Variants in EIF2A observed in about 807,000 individuals in gnomAD.
The protein encoded by EIF2A is eukaryotic translation initiation factor 2A.
EIF2A carries 62 observed loss-of-function variants against 75.2 expected under a neutral mutation model. That is an observed-to-expected ratio of 0.82 (90% CI 0.67 to 1.02). The LOEUF (loss-of-function observed/expected upper bound fraction) is 1.02, where lower values mean the gene tolerates loss of function less well. Ranked by LOEUF, EIF2A falls within the 50% of genes least tolerant of loss-of-function variation. The probability of loss-of-function intolerance (pLI) is 0.00; values close to 1 mark genes in which losing one functional copy is unlikely to be tolerated. For synonymous variants in EIF2A, 207 were observed against 239.0 expected (o/e 0.87, Z 1.23); for missense variants, 611 against 677.7 (o/e 0.90, Z 1.09).
At position 150,562,678 on chromosome 3, in the gene EIF2A, G is replaced by A. The variant is rs1448258577; in HGVS notation, c.292+18G>A. On this transcript the variant is annotated intron_variant, in intron 4 of 13. Coordinates refer to ENST00000460851, the MANE Select transcript of EIF2A (RefSeq NM_032025.5). ...TTACACTAGTAAGTATTTTCTCAGT[G>A]TAAAAATACTCTGACACGATCAATT... The A allele has an allele frequency of 3.2e-6, 5 of 1,577,008 alleles. No homozygotes were observed. Among genetic ancestry groups the A allele is most frequent in the Non-Finnish European group, 4.3e-6 (5 of 1,150,246 alleles).
intron 11 of EIF2A, among the ~76,000 whole-genome samples, chr3:150,579,695 C>T (rs1395876871): frequency 7.6e-6 from 1 of 131,744 alleles, no homozygotes; most frequent in Non-Finnish European, 1.7e-5. Flanking sequence ...AGCCTAGACT[C>T]TGTCTCCAAA....
Position 150,573,556 on chromosome 3 carries a change from T to C in EIF2A, c.1383+1027T>C, listed in dbSNP as rs1002636344. On this transcript the variant is annotated intron_variant, in intron 10 of 13. Coordinates refer to ENST00000460851, the MANE Select transcript of EIF2A (RefSeq NM_032025.5). The stretch of plus-strand genomic sequence containing the variant: ...CATGAGCCACTGTACCCGGCCAGGA[T>C]TTTTTTGTTAACATTTAAGATTTCT... Among the ~76,000 whole-genome samples, 9 of 152,236 alleles carry C rather than the reference T, an allele frequency of 5.9e-5. No individual in the cohort carries two copies. In the South Asian group the frequency reaches 6.2e-4, roughly 11 times the overall value.
intron 2 of EIF2A, among the ~76,000 whole-genome samples, chr3:150,554,230 G>A (rs189448822): frequency 2.2e-4 from 34 of 151,346 alleles, no homozygotes; most frequent in Admixed American, 1.3e-3. Context: ...TCCCCCCTCC[G>A]TTTAAACCTA....
intron 2 of EIF2A, among the ~76,000 whole-genome samples, chr3:150,555,424 A>AT (rs1369095647): frequency 6.6e-6 from 1 of 151,004 alleles, no homozygotes; most frequent in Admixed American, 6.6e-5. Context: ...ACCTGGCTAA[A>AT]TTTTTTTATT....
chr3:150,550,640 T>C (rs1723269319), intron 1 of EIF2A, among the ~76,000 whole-genome samples: 2 of 152,198 alleles, frequency 1.3e-5, no homozygotes, highest in Non-Finnish European at 2.9e-5. Flanking sequence ...TTGCTTGAGC[T>C]GAGGAGTTTA....
intron 9 of EIF2A, among the ~76,000 whole-genome samples, chr3:150,571,262 C>A (rs1452432046): frequency 6.6e-6 from 1 of 151,840 alleles, no homozygotes; most frequent in Non-Finnish European, 1.5e-5. Context: ...GCCTCAGCCT[C>A]CTGAGTAGCT....
intron 12 of EIF2A, among the ~76,000 whole-genome samples, chr3:150,582,872 T>C (rs1725269436): frequency 6.6e-6 from 1 of 152,176 alleles, no homozygotes; most frequent in South Asian, 2.1e-4. Flanking sequence ...AATGCTCTCA[T>C]TGAGATTTCT....
chr3:150,562,218 C>G (rs1375595427), intron 3 of EIF2A, among the ~76,000 whole-genome samples: 2 of 152,020 alleles, frequency 1.3e-5, no homozygotes, highest in South Asian at 2.1e-4. Flanking sequence ...GTCAGGAGAT[C>G]AAGACCATCC....
Position 150,575,676 on chromosome 3 carries a change from A to C in EIF2A, c.1411A>C (p.Lys471Gln), listed in dbSNP as rs375523411. The change falls in exon 11 of 14, where the codon AAA (lysine) becomes CAA (glutamine). Residue 471 changes from lysine (K) to glutamine (Q), a missense_variant. Lys to Gln is a moderately conservative substitution (Grantham distance 53). Coordinates refer to ENST00000460851, the MANE Select transcript of EIF2A (RefSeq NM_032025.5). ...LHEEEPPQNMKPQSGNDKPLS... is the reference protein window; with the variant it reads ...LHEEEPPQNMQPQSGNDKPLS... ...TGAAGAGGAACCACCTCAGAATATG[A>C]AACCACAATCAGGAAACGATAAGCC... 6.2e-7 allele frequency: 1 copy of C among 1,612,312 alleles called. No homozygotes were observed. Among genetic ancestry groups the C allele is most frequent in the African/African-American group, 1.3e-5 (1 of 74,884 alleles).
At chr3:150,553,072 T>G (rs1576587564) in intron 2 of EIF2A, among the ~76,000 whole-genome samples, 1 of 152,128 alleles carries the variant, frequency 6.6e-6, no homozygotes, top group South Asian at 2.1e-4. Flanking sequence ...ATCCCAGCAC[T>G]ATGGGAGGCC....
intron 1 of EIF2A, 59 bp from the exon 2 acceptor site, chr3:150,552,297 G>A (rs938325594): frequency 1.4e-6 from 2 of 1,400,180 alleles, no homozygotes. Flanking sequence ...AAACACATTT[G>A]TGTTAACTGA....
chr3:150,553,901 A>G (rs1362185538), intron 2 of EIF2A, among the ~76,000 whole-genome samples: 1 of 152,190 alleles, frequency 6.6e-6, no homozygotes, highest in African/African-American at 2.4e-5. Flanking sequence ...GTTCTGGCCA[A>G]TGAAAAGGCC....
chr3:150,557,544 G>T, intron 2 of EIF2A: 1 of 236,030 alleles, frequency 4.2e-6, no homozygotes, highest in Non-Finnish European at 8.7e-6. Context: ...GGGACTACAG[G>T]CGCCACCACC....
Position 150,567,995 on chromosome 3 carries a change from A to C in EIF2A, c.643A>C (p.Asn215His). Residue 215 changes from asparagine (N) to histidine (H), a missense_variant, in exon 8 of 14, where the codon AAT (asparagine) becomes CAT (histidine). Coordinates refer to ENST00000460851, the MANE Select transcript of EIF2A (RefSeq NM_032025.5). ...TGCTGGACCTCATGCAGCTTTAGCT[A>C]ATAAAAGTTTCTTTAAGGCAGATAA... ...NFAGPHAALA[N>H]KSFFKADKVT... The C allele has an allele frequency of 6.2e-7, 1 of 1,613,148 alleles. No individual in the cohort carries two copies. The highest frequency in any genetic ancestry group is 8.5e-7 in the Non-Finnish European group (1 of 1,179,656).
At chr3:150,576,403 C>T (rs1479177736) in intron 11 of EIF2A, among the ~76,000 whole-genome samples, 1 of 151,612 alleles carries the variant, frequency 6.6e-6, no homozygotes, top group African/African-American at 2.4e-5. Context: ...CCACTTCAGC[C>T]TGAGTAACAG....
In EIF2A at chr3:150,546,790, T is replaced by C. The variant is rs1225945463; in HGVS notation, c.-13T>C. The stretch of plus-strand genomic sequence containing the variant: ...TGAACTCTCACCCGAGCGGTTTCTC[T>C]TTCCGGGACAACATGGCGCCGTCCA... On this transcript the variant is annotated 5_prime_UTR_variant, in exon 1 of 14. Transcript: ENST00000460851. The C allele has an allele frequency of 1.9e-6, 3 of 1,612,458 alleles. No homozygotes were observed. Among genetic ancestry groups the C allele is most frequent in the Non-Finnish European group, 2.5e-6 (3 of 1,179,870 alleles).
chr3:150,562,557 T>A lies in EIF2A; in HGVS notation c.189T>A (p.Ser63Arg), dbSNP rs769986382. 12 of 1,612,430 alleles carry A rather than the reference T, an allele frequency of 7.4e-6. No homozygotes were observed. Among genetic ancestry groups the A allele is most frequent in the Non-Finnish European group, 5.1e-6 (6 of 1,179,118 alleles). ...WGNGEKVNII[S>R]VTNKGLLHSF... ...TTGAAACCAGAGTAAATATTATCAG[T>A]GTCACTAACAAGGGACTACTGCACT... is the stretch of plus-strand genomic sequence containing the variant. The change falls in exon 4 of 14, where the codon AGT (serine) becomes AGA (arginine). Residue 63 changes from serine to arginine, a missense_variant. Coordinates refer to ENST00000460851, the MANE Select transcript of EIF2A (RefSeq NM_032025.5).
At chr3:150,548,204 C>T (rs1282511866) in intron 1 of EIF2A, among the ~76,000 whole-genome samples, 2 of 152,172 alleles carry the variant, frequency 1.3e-5, no homozygotes, top group East Asian at 3.8e-4. Context: ...TTTCTTCAGT[C>T]TAGTACTATC....
intron 2 of EIF2A, among the ~76,000 whole-genome samples, chr3:150,555,766 T>C (rs1329771647): frequency 1.3e-5 from 2 of 151,848 alleles, no homozygotes; most frequent in Admixed American, 6.6e-5. Context: ...GGCAAAGTTA[T>C]GTGCTACACT....
Sources: gnomAD v4.1 joint callset for allele counts (sites outside exome capture counted in the v4.1 genomes callset) on GRCh38, gnomAD v4.1.1 for gene constraint, MANE v1.5 for transcripts, NCBI Gene and HGNC (gene_info 2026-07-23, HGNC 2026-07-21) for gene names.